PCDHGA6: variants seen among roughly 807,000 people sequenced by gnomAD.
PCDHGA6 encodes protocadherin gamma-A6.
A neutral mutation model predicts 60.6 loss-of-function variants in PCDHGA6; 41 were observed. The ratio of observed to expected loss-of-function variants is 0.68; its 90% CI spans 0.53 to 0.88. The LOEUF (loss-of-function observed/expected upper bound fraction) is 0.88, where lower values mean the gene tolerates loss of function less well. Ranked by LOEUF, PCDHGA6 falls within the 40% of genes least tolerant of loss-of-function variation. The pLI, the probability that PCDHGA6 is intolerant of heterozygous loss-of-function variation, is 0.00. For synonymous variants in PCDHGA6, 594 were observed against 524.4 expected (o/e 1.13, Z -1.81); for missense variants, 1,312 against 1,203.0 (o/e 1.09, Z -1.34).
chr5:141,419,175 C>A lies in PCDHGA6; in HGVS notation c.2424+42668C>A, dbSNP rs185228661. On this transcript the variant is annotated intron_variant, in intron 1 of 3. Transcript: ENST00000517434. Reference sequence around the variant, plus strand: ...CCGTTATCCTCCAGCAAAACCATAACCCTGCACATTACTGACGTCAATGAC... The same window carrying A: ...CCGTTATCCTCCAGCAAAACCATAAACCTGCACATTACTGACGTCAATGAC... The A allele has an allele frequency of 5.2e-4, 837 of 1,613,966 alleles. 3 individuals carry two copies. Among genetic ancestry groups the A allele is most frequent in the Non-Finnish European group, 9.3e-5 (110 of 1,179,894 alleles).
chr5:141,380,878 G>C (rs1776818511), intron 1 of PCDHGA6, among the ~76,000 whole-genome samples: 1 of 152,198 alleles, frequency 6.6e-6, no homozygotes, highest in African/African-American at 2.4e-5. Flanking sequence ...CTCCAAACAT[G>C]AAAGTTTGTT....
rs1322608789 is a variant in PCDHGA6, at chr5:141,485,671, G to A, written c.2425-9136G>A. 3 of 1,612,860 alleles carry A rather than the reference G, an allele frequency of 1.9e-6. No homozygotes were observed. The highest frequency in any genetic ancestry group is 2.5e-6 in the Non-Finnish European group (3 of 1,179,040). On this transcript the variant is annotated intron_variant, in intron 1 of 3. Coordinates refer to ENST00000517434, the MANE Select transcript of PCDHGA6 (RefSeq NM_018919.3). This position sits in a 1 kb window ranked among gnomAD's most constrained non-coding sequence, Gnocchi z 5.7. Reference sequence around the variant, plus strand: ...AGGATGCAGATGTGGGGAGCAATTCGATTAGCAGCTATAGGCTGAGCTCCA... The same window carrying A: ...AGGATGCAGATGTGGGGAGCAATTCAATTAGCAGCTATAGGCTGAGCTCCA...
intron 1 of PCDHGA6, among the ~76,000 whole-genome samples, chr5:141,475,732 C>T (rs2099367914): frequency 6.6e-6 from 1 of 152,248 alleles, no homozygotes; most frequent in Non-Finnish European, 1.5e-5. Context: ...GCTGGCTTTC[C>T]CTAAGGTAGG....
intron 1 of PCDHGA6, among the ~76,000 whole-genome samples, chr5:141,454,194 G>A (rs949915652): frequency 6.6e-5 from 10 of 152,304 alleles, no homozygotes; most frequent in Non-Finnish European, 4.4e-5. Context: ...CTTAGTGAAG[G>A]TGAATTTATT....
intron 1 of PCDHGA6, among the ~76,000 whole-genome samples, chr5:141,462,825 C>T (rs1040054698): frequency 4.6e-5 from 7 of 152,124 alleles, no homozygotes; most frequent in Admixed American, 3.9e-4. Context: ...GGACAGCAGA[C>T]ATTGTAAATG....
chr5:141,464,266 AAAAAAAAAAAAGC>A (rs2099079689), intron 1 of PCDHGA6, among the ~76,000 whole-genome samples: 2 of 138,926 alleles, frequency 1.4e-5, no homozygotes, highest in Admixed American at 1.4e-4. Flanking sequence ...CTCCGTCTAA[AAAAAAAAAAAAGC>A]AAAAAAAAAA....
At chr5:141,411,955 A>G (rs1427605209) in intron 1 of PCDHGA6, 2 of 152,244 alleles carry the variant, frequency 1.3e-5, no homozygotes, top group Admixed American at 6.5e-5. Context: ...TTTGAAGAAA[A>G]AAGATAAAAT....
chr5:141,468,599 G>C (rs1055715232), intron 1 of PCDHGA6: 7 of 152,236 alleles, frequency 4.6e-5, no homozygotes, highest in African/African-American at 1.4e-4. Flanking sequence ...GGGCGCGGTG[G>C]CTCACGCCTG....
In PCDHGA6 at chr5:141,410,110, C is replaced by G. The variant is rs1361292941; in HGVS notation, c.2424+33603C>G. The G allele has an allele frequency of 6.8e-6, 11 of 1,612,422 alleles. No homozygotes were observed. In the African/African-American group the frequency reaches 1.3e-4, roughly 20 times the overall value. ...CGGCTCGAGCCTTAGGCGACAGGGA[C>G]GCAGCCCGCCAGCGCCTGCTGGTCG... is the stretch of plus-strand genomic sequence containing the variant. On this transcript the variant is annotated intron_variant, in intron 1 of 3. Coordinates refer to ENST00000517434, the MANE Select transcript of PCDHGA6 (RefSeq NM_018919.3).
intron 1 of PCDHGA6, chr5:141,419,197 T>C (rs560134083): frequency 1.2e-6 from 2 of 1,613,966 alleles, no homozygotes; most frequent in South Asian, 1.1e-5. Flanking sequence ...CTGACGTCAA[T>C]GACAACGCGC....
Position 141,489,465 on chromosome 5 carries a change from T to C in PCDHGA6, c.2425-5342T>C. On this transcript the variant is annotated intron_variant, in intron 1 of 3. Transcript: ENST00000517434. The surrounding 1 kb of genome is among the most constrained non-coding windows in gnomAD (Gnocchi z 4.5). The stretch of plus-strand genomic sequence containing the variant: ...GCTCTGAGGAGAATGGGCGCTATTT[T>C]TCCCTGAGCTTGATGAGTGGTGCCC... The C allele has an allele frequency of 1.2e-6, 2 of 1,614,082 alleles. No homozygotes were observed. The highest frequency in any genetic ancestry group is 1.3e-5 in the African/African-American group (1 of 75,042).
rs768962763 is a variant in PCDHGA6 at position 141,375,245 on chromosome 5, A to G, written c.1162A>G (p.Arg388Gly). 6 of 1,613,950 alleles carry G rather than the reference A, an allele frequency of 3.7e-6. No individual in the cohort carries two copies. The highest frequency in any genetic ancestry group is 8.5e-7 in the Non-Finnish European group (1 of 1,179,900). Residue 388 changes from arginine to glycine, a missense_variant, in exon 1 of 4, where the codon AGA becomes GGA. Coordinates refer to ENST00000517434, the MANE Select transcript of PCDHGA6 (RefSeq NM_018919.3). ...TGGCCTGGTAACCTGTTCCATCCCG[A>G]GAAGTCTCCCATTTGAATTGGAAAA... ...LNGLVTCSIP[R>G]SLPFELEKSV...
At chr5:141,393,183 A>T in intron 1 of PCDHGA6, 1 of 1,613,370 alleles carries the variant, frequency 6.2e-7, no homozygotes, top group Non-Finnish European at 8.5e-7. Context: ...AATAGAAATA[A>T]TTGATATTAA....
intron 1 of PCDHGA6, chr5:141,400,280 CCG>C (rs769084717): frequency 1.2e-5 from 19 of 1,613,948 alleles, no homozygotes; most frequent in Non-Finnish European, 1.4e-5. Context: ...TCCAGCCCTG[CCG>C]CCTGGAGCTG....
At position 141,476,943 on chromosome 5, in the gene PCDHGA6, A is replaced by G. The variant is rs538990482; in HGVS notation, c.2425-17864A>G. On this transcript the variant is annotated intron_variant, in intron 1 of 3. Coordinates refer to ENST00000517434, the MANE Select transcript of PCDHGA6 (RefSeq NM_018919.3). This position sits in a 1 kb window ranked among gnomAD's most constrained non-coding sequence, Gnocchi z 7.6. ...GCAACGGATCTGGATGAAGGCCCCA[A>G]CGGTGAAATTATTTACTCCTTCGGC... 14 of 1,614,170 alleles carry G rather than the reference A, an allele frequency of 8.7e-6. No individual in the cohort carries two copies. Among genetic ancestry groups the G allele is most frequent in the South Asian group, 1.1e-5 (1 of 91,086 alleles).
intron 1 of PCDHGA6, chr5:141,421,591 G>T: frequency 6.2e-7 from 1 of 1,613,874 alleles, no homozygotes; most frequent in Non-Finnish European, 8.5e-7. Context: ...CGGAGTGGAG[G>T]TGGAAATAAT....
intron 1 of PCDHGA6, among the ~76,000 whole-genome samples, chr5:141,436,720 A>G (rs1337926057): frequency 1.5e-4 from 23 of 152,216 alleles, no homozygotes; most frequent in Non-Finnish European, 3.4e-4. Context: ...TCTGTTGGGA[A>G]AAATAATAAT....
chr5:141,403,006 G>T, intron 1 of PCDHGA6: 3 of 1,614,006 alleles, frequency 1.9e-6, no homozygotes, highest in African/African-American at 1.3e-5. Context: ...TGCTATGCTC[G>T]CTCCTGGGGA....
intron 1 of PCDHGA6, among the ~76,000 whole-genome samples, chr5:141,454,703 A>C (rs933041937): frequency 1.3e-5 from 2 of 150,198 alleles, no homozygotes; most frequent in African/African-American, 4.9e-5. Flanking sequence ...ACCATGCTCC[A>C]CCTGCTTATT....
Sources: allele counts gnomAD v4.1 joint callset (sites outside exome capture counted in the v4.1 genomes callset), GRCh38; gene constraint gnomAD v4.1.1; non-coding constraint Gnocchi (gnomAD v3.1); transcripts MANE v1.5; gene names NCBI Gene and HGNC (gene_info 2026-07-23, HGNC 2026-07-21).